Variants in GRIA4 observed in about 807,000 individuals in gnomAD.
The protein encoded by GRIA4 is glutamate ionotropic receptor AMPA type subunit 4, also known as glutamate receptor 4.
A neutral mutation model predicts 104.0 loss-of-function variants in GRIA4; 34 were observed. That is an observed-to-expected ratio of 0.33 (90% confidence interval 0.25 to 0.44). The LOEUF (loss-of-function observed/expected upper bound fraction) is 0.44, where lower values mean the gene tolerates loss of function less well. Among genes scored for constraint, GRIA4 ranks in the 20% least tolerant of loss-of-function variants. GRIA4 has a pLI of 1.00. For missense variants in GRIA4, 750 were observed against 1,096.5 expected (o/e 0.68, Z 4.46); for synonymous variants, 386 against 381.9 (o/e 1.01, Z -0.13).
chr11:105,648,869 C>T (rs753779536), intron 3 of GRIA4, among the ~76,000 whole-genome samples: 5 of 152,090 alleles, frequency 3.3e-5, no homozygotes, highest in Non-Finnish European at 7.4e-5. Flanking sequence ...ATTACTTTTG[C>T]ACCAACCTAA....
rs73636736 is a variant in GRIA4 at position 105,643,191 on chromosome 11, A to G, written c.247+30757A>G. Among the ~76,000 whole-genome samples the G allele has an allele frequency of 4.6e-3, 701 of 152,222 alleles. 8 individuals are homozygous for G. The highest frequency in any genetic ancestry group is 0.016 in the African/African-American group (655 of 41,538). On this transcript the variant is annotated intron_variant, in intron 3 of 16. Transcript: ENST00000282499. ...GAGATTTGAATGGGGACACAGCCAAACCAAATCAAACATCTCATATCTTAT... is the reference window on the plus strand; with the variant it reads ...GAGATTTGAATGGGGACACAGCCAAGCCAAATCAAACATCTCATATCTTAT...
At chr11:105,766,464 G>C (rs937074217) in intron 4 of GRIA4, among the ~76,000 whole-genome samples, 6 of 152,002 alleles carry the variant, frequency 3.9e-5, no homozygotes, top group Non-Finnish European at 8.8e-5. Flanking sequence ...TATATTTTGT[G>C]TTATTGATAT....
At chr11:105,733,709 G>T (rs1938748409) in intron 3 of GRIA4, among the ~76,000 whole-genome samples, 2 of 151,928 alleles carry the variant, frequency 1.3e-5, no homozygotes, top group Non-Finnish European at 2.9e-5. Flanking sequence ...TCCCACCTTG[G>T]CCTCCCAGTG....
chr11:105,978,065 C>A (rs915076389), intron 16 of GRIA4, among the ~76,000 whole-genome samples: 1 of 152,006 alleles, frequency 6.6e-6, no homozygotes, highest in East Asian at 1.9e-4. Flanking sequence ...ATAAAACCTA[C>A]CCTTTTTAGT....
chr11:105,611,988 AGT>A (rs779279751), intron 2 of GRIA4, among the ~76,000 whole-genome samples: 22 of 152,110 alleles, frequency 1.4e-4, no homozygotes, highest in Admixed American at 2.0e-4. Flanking sequence ...CTGATGTAGC[AGT>A]GTGCTGGGAA....
intron 3 of GRIA4, among the ~76,000 whole-genome samples, chr11:105,636,439 T>C (rs12574741): frequency 0.29 from 43,996 of 152,046 alleles, 6,772 homozygotes; most frequent in Admixed American, 0.45. Context: ...AAAGTCTCCT[T>C]TACTTTCCTT....
intron 6 of GRIA4, among the ~76,000 whole-genome samples, chr11:105,889,711 T>G (rs1946394023): frequency 6.6e-6 from 1 of 152,102 alleles, no homozygotes. Flanking sequence ...ATTACAGATA[T>G]TTAGGTAAAA....
rs1555095706 is a variant in GRIA4, at chr11:105,668,222, AATAT to A, written c.247+55810_247+55813del. 7.3e-3 allele frequency among the ~76,000 whole-genome samples: 1,008 copies of A among 137,238 alleles called. 17 individuals are homozygous for A. Among genetic ancestry groups the A allele is most frequent in the East Asian group, 0.043 (210 of 4,830 alleles). The allele number at this position is 137,238 out of a possible 152,430, so 90.0% of individuals were successfully genotyped here. On this transcript the variant is annotated intron_variant, in intron 3 of 16. Transcript: ENST00000282499. ...TACACACACACACACACACACATAT[AATAT>A]ATATATATATATATATATATACTAT...
At chr11:105,733,357 A>T (rs1357275023) in intron 3 of GRIA4, among the ~76,000 whole-genome samples, 1 of 152,232 alleles carries the variant, frequency 6.6e-6, no homozygotes, top group East Asian at 1.9e-4. Flanking sequence ...AGACATTAAT[A>T]GACTTCTACA....
chr11:105,775,678 A>G (rs1941417097), intron 4 of GRIA4, among the ~76,000 whole-genome samples: 1 of 152,122 alleles, frequency 6.6e-6, no homozygotes, highest in Non-Finnish European at 1.5e-5. Flanking sequence ...CAGTCATTCC[A>G]TAAAATAAAA....
chr11:105,910,577 G>A lies in GRIA4; in HGVS notation c.1269+32G>A, dbSNP rs184974330. Reference sequence around the variant, plus strand: ...GTTGGTCTATGCTTTATGGTGTTCCGTTTTGTCCACAGGCAATTTTAACTC... The same window carrying A: ...GTTGGTCTATGCTTTATGGTGTTCCATTTTGTCCACAGGCAATTTTAACTC... On this transcript the variant is annotated intron_variant, in intron 10 of 16. Coordinates refer to ENST00000282499, the MANE Select transcript of GRIA4 (RefSeq NM_000829.4). 1,102 of 1,157,760 alleles carry A rather than the reference G, an allele frequency of 9.5e-4. 8 individuals carry two copies. The African/African-American group carries it at 0.013, about 14-fold the overall frequency. 71.7% of individuals were successfully genotyped at this position (1,157,760 alleles called of 1,614,324 possible).
At chr11:105,865,334 T>A (rs528835804) in intron 5 of GRIA4, among the ~76,000 whole-genome samples, 1 of 152,328 alleles carries the variant, frequency 6.6e-6, no homozygotes, top group African/African-American at 2.4e-5. Context: ...GAATTTTGGC[T>A]CTCTAAATCC....
intron 4 of GRIA4, among the ~76,000 whole-genome samples, chr11:105,815,244 A>G (rs1943329478): frequency 1.3e-5 from 2 of 152,170 alleles, no homozygotes; most frequent in South Asian, 2.1e-4. Context: ...TGATGAATCA[A>G]TGATTCTTGT....
intron 14 of GRIA4, among the ~76,000 whole-genome samples, chr11:105,970,363 A>G (rs573512754): frequency 4.6e-5 from 7 of 152,196 alleles, no homozygotes; most frequent in Non-Finnish European, 1.0e-4. Flanking sequence ...AGAAGGCCCA[A>G]TTAACTAGAA....
At chr11:105,945,155 T>C (rs1412733352) in intron 14 of GRIA4, among the ~76,000 whole-genome samples, 2 of 152,052 alleles carry the variant, frequency 1.3e-5, no homozygotes, top group African/African-American at 4.8e-5. Context: ...TGATGCGCCC[T>C]CCATTATTCA....
chr11:105,833,799 C>T (rs1418866084), intron 4 of GRIA4, among the ~76,000 whole-genome samples: 1 of 151,918 alleles, frequency 6.6e-6, no homozygotes, highest in Non-Finnish European at 1.5e-5. Context: ...CTTACATGTT[C>T]TCCTACCTAT....
rs1406975410 is a variant in GRIA4 at position 105,979,440 on chromosome 11, A to T, written c.2545-135A>T. 21 of 747,836 alleles carry T rather than the reference A, an allele frequency of 2.8e-5. No individual in the cohort carries two copies. In the East Asian group the frequency reaches 5.4e-4, roughly 19 times the overall value. The allele number at this position is 747,836 out of a possible 1,614,324, so 46.3% of individuals were successfully genotyped here. On this transcript the variant is annotated intron_variant, in intron 16 of 16. Coordinates refer to ENST00000282499, the MANE Select transcript of GRIA4 (RefSeq NM_000829.4). ...CTTTCCCTGGATAAGCAGTTTTCAT[A>T]TGACCAAAAGAACATGGAAAAAATG...
intron 4 of GRIA4, among the ~76,000 whole-genome samples, chr11:105,832,209 A>G (rs1039795657): frequency 8.6e-5 from 13 of 151,976 alleles, no homozygotes; most frequent in African/African-American, 2.7e-4. Flanking sequence ...AGCCACAGCA[A>G]CTTGACATAT....
intron 3 of GRIA4, among the ~76,000 whole-genome samples, chr11:105,628,563 T>C (rs573771143): frequency 2.6e-5 from 4 of 152,160 alleles, no homozygotes. Context: ...CCTGTCTTCA[T>C]ATGAAGAAGA....
Sources: gnomAD v4.1 joint callset for allele counts (sites outside exome capture counted in the v4.1 genomes callset) on GRCh38, gnomAD v4.1.1 for gene constraint, MANE v1.5 for transcripts, NCBI Gene and HGNC (gene_info 2026-07-23, HGNC 2026-07-21) for gene names.